Variants in CNTN5 observed in about 807,000 individuals in gnomAD.
The protein encoded by CNTN5 is contactin 5, also known as contactin-5.
CNTN5 carries 77 observed loss-of-function variants against 129.1 expected under a neutral mutation model. The ratio of observed to expected loss-of-function variants is 0.60; its 90% CI spans 0.50 to 0.72. The LOEUF is 0.72. Among genes scored for constraint, CNTN5 ranks in the 30% least tolerant of loss-of-function variants. The pLI, the probability that CNTN5 is intolerant of heterozygous loss-of-function variation, is 0.00. For synonymous variants in CNTN5, 509 were observed against 465.6 expected (o/e 1.09, Z -1.20); for missense variants, 1,478 against 1,328.8 (o/e 1.11, Z -1.75).
At chr11:99,317,806 A>G (rs935037802) in intron 1 of CNTN5, among the ~76,000 whole-genome samples, 3 of 152,100 alleles carry the variant, frequency 2.0e-5, no homozygotes, top group African/African-American at 7.3e-5. Flanking sequence ...GAGCCCTTCT[A>G]CAATAATTAA....
chr11:99,430,627 A>T (rs1943325296), intron 2 of CNTN5, among the ~76,000 whole-genome samples: 1 of 151,704 alleles, frequency 6.6e-6, no homozygotes, highest in African/African-American at 2.4e-5. Flanking sequence ...ATATACACAC[A>T]TGGAGAGAGA....
At chr11:99,556,385 T>A in intron 3 of CNTN5, 116 bp downstream of exon 3, 1 of 573,256 alleles carries the variant, frequency 1.7e-6, no homozygotes, top group Non-Finnish European at 2.9e-6. Context: ...TATCAGTATT[T>A]ATACTTTCCA....
At chr11:99,923,215 C>G (rs1334363568) in intron 7 of CNTN5, among the ~76,000 whole-genome samples, 1 of 152,094 alleles carries the variant, frequency 6.6e-6, no homozygotes, top group Non-Finnish European at 1.5e-5. Flanking sequence ...CTGTCAGCAA[C>G]ATATGTACAT....
chr11:99,713,077 T>C (rs1251238552), intron 3 of CNTN5, among the ~76,000 whole-genome samples: 1 of 152,154 alleles, frequency 6.6e-6, no homozygotes, highest in Non-Finnish European at 1.5e-5. Context: ...CTTCGGGCAA[T>C]GTTGCCATTT....
At chr11:99,722,528 C>T (rs978244236) in intron 3 of CNTN5, among the ~76,000 whole-genome samples, 3 of 151,920 alleles carry the variant, frequency 2.0e-5, no homozygotes, top group Non-Finnish European at 4.4e-5. Flanking sequence ...CTACTGGGTA[C>T]TGTGCTTAAT....
chr11:99,581,159 T>G lies in CNTN5; in HGVS notation c.55+24890T>G, dbSNP rs1359737760. ...GAGCAGTTTTGAGTGAGTTTCTTAA[T>G]CCTGAGTTCTACTTTGATTGCACTG... is the stretch of plus-strand genomic sequence containing the variant. On this transcript the variant is annotated intron_variant, in intron 3 of 24. Coordinates refer to ENST00000524871, the MANE Select transcript of CNTN5 (RefSeq NM_014361.4). Among the ~76,000 whole-genome samples, 7 of 126,134 alleles carry G rather than the reference T, an allele frequency of 5.5e-5. No individual in the cohort carries two copies. The East Asian group carries it at 7.3e-4, about 13-fold the overall frequency. The allele number at this position is 126,134 out of a possible 152,430, so 82.7% of individuals were successfully genotyped here. A position where few individuals can be genotyped will look rare whatever the true frequency, so the allele number is the denominator to read the frequency against.
intron 1 of CNTN5, among the ~76,000 whole-genome samples, chr11:99,050,539 A>T (rs1241730652): frequency 1.3e-5 from 2 of 151,840 alleles, no homozygotes; most frequent in Non-Finnish European, 2.9e-5. Context: ...GGAAATAAAG[A>T]TTTCTTTTTA....
chr11:100,004,740 G>A (rs1377565), intron 9 of CNTN5, among the ~76,000 whole-genome samples: 56,841 of 152,080 alleles, frequency 0.37, 12,027 homozygotes, highest in African/African-American at 0.57. Context: ...GGGAGGAGAT[G>A]GTGTTTCCAG....
chr11:99,633,136 A>G (rs1951426179), intron 3 of CNTN5, among the ~76,000 whole-genome samples: 1 of 152,144 alleles, frequency 6.6e-6, no homozygotes, highest in African/African-American at 2.4e-5. Context: ...GTAAGTGGCT[A>G]CAGAATTCTT....
At chr11:100,194,544 G>C (rs1177708685) in intron 15 of CNTN5, among the ~76,000 whole-genome samples, 1 of 151,262 alleles carries the variant, frequency 6.6e-6, no homozygotes, top group Non-Finnish European at 1.5e-5. Flanking sequence ...GCTTTAGTGA[G>C]CCCAAGTATT....
intron 13 of CNTN5, among the ~76,000 whole-genome samples, chr11:100,185,853 C>T (rs895085164): frequency 2.6e-5 from 4 of 152,136 alleles, no homozygotes; most frequent in African/African-American, 9.7e-5. Flanking sequence ...CAGCCCTTAC[C>T]CAAACCCAAC....
At chr11:99,728,090 G>T (rs36048504) in intron 3 of CNTN5, among the ~76,000 whole-genome samples, 14,285 of 152,170 alleles carry the variant, frequency 0.094, 770 homozygotes, top group South Asian at 0.26. Context: ...CTGTATATTA[G>T]AATCAGTAGG....
At chr11:100,261,433 A>G (rs1950194456) in intron 17 of CNTN5, among the ~76,000 whole-genome samples, 1 of 152,194 alleles carries the variant, frequency 6.6e-6, no homozygotes, top group South Asian at 2.1e-4. Flanking sequence ...TCTTCACAGA[A>G]TTATAAAAAA....
At chr11:99,758,793 A>C (rs180999070) in intron 3 of CNTN5, among the ~76,000 whole-genome samples, 3 of 152,238 alleles carry the variant, frequency 2.0e-5, no homozygotes, top group Admixed American at 2.0e-4. Context: ...GAAAATGCAC[A>C]GGAGCAAAAA....
chr11:99,330,492 G>T (rs1865956896), intron 2 of CNTN5, among the ~76,000 whole-genome samples: 1 of 152,080 alleles, frequency 6.6e-6, no homozygotes, highest in African/African-American at 2.4e-5. Flanking sequence ...CTGGATTTTG[G>T]GTTAGTACAC....
At chr11:100,204,314 ATATATATATATATATATATATATATATAT>A (rs1948865192) in intron 15 of CNTN5, among the ~76,000 whole-genome samples, 2 of 90,786 alleles carry the variant, frequency 2.2e-5, no homozygotes, top group African/African-American at 8.1e-5. Context: ...ATATATATAT[ATATATATATATATATATATATATATATAT>A]AATTATAGGC....
At chr11:99,041,064 A>T (rs1345406618) in intron 1 of CNTN5, among the ~76,000 whole-genome samples, 1 of 152,138 alleles carries the variant, frequency 6.6e-6, no homozygotes, top group Non-Finnish European at 1.5e-5. Flanking sequence ...CTTATTTCTC[A>T]TTTGTTCAAT....
chr11:100,241,836 AG>A (rs540595830), intron 16 of CNTN5, among the ~76,000 whole-genome samples: 46 of 152,370 alleles, frequency 3.0e-4, no homozygotes, highest in African/African-American at 9.9e-4. Flanking sequence ...CCATGCTGAC[AG>A]AATCTACTGA....
At chr11:100,143,105 C>T (rs1312837891) in intron 13 of CNTN5, among the ~76,000 whole-genome samples, 1 of 152,112 alleles carries the variant, frequency 6.6e-6, no homozygotes, top group Non-Finnish European at 1.5e-5. Flanking sequence ...ATCTGCAACA[C>T]TACTGGTCTC....
Sources: gnomAD v4.1 joint callset for allele counts (sites outside exome capture counted in the v4.1 genomes callset) on GRCh38, gnomAD v4.1.1 for gene constraint, MANE v1.5 for transcripts, NCBI Gene and HGNC (gene_info 2026-07-23, HGNC 2026-07-21) for gene names.